Variants in EFNB2 observed in about 807,000 individuals in gnomAD.
The protein encoded by EFNB2 is ephrin-B2.
EFNB2 carries 5 observed loss-of-function variants against 32.1 expected under a neutral mutation model. That is an observed-to-expected ratio of 0.16 (90% CI 0.08 to 0.33). EFNB2 has a LOEUF of 0.33. Among genes scored for constraint, EFNB2 ranks in the 10% least tolerant of loss-of-function variants. The pLI, the probability that EFNB2 is intolerant of heterozygous loss-of-function variation, is 1.00. For synonymous variants in EFNB2, 168 were observed against 166.5 expected (o/e 1.01, Z -0.07); for missense variants, 263 against 422.6 (o/e 0.62, Z 3.31).
chr13:106,516,039 T>C (rs1197323723), intron 1 of EFNB2: 2 of 152,230 alleles, frequency 1.3e-5, no homozygotes, highest in East Asian at 3.8e-4. Flanking sequence ...AGATGCTCAA[T>C]AAATAATGTA....
intron 1 of EFNB2, chr13:106,521,672 T>C (rs1361476078): frequency 1.3e-5 from 2 of 152,230 alleles, no homozygotes; most frequent in African/African-American, 4.8e-5. Context: ...TAATCTTGTT[T>C]TTTATTTGTG....
In EFNB2 at chr13:106,497,205, T is replaced by C. The variant is rs111336380; in HGVS notation, c.407-1365A>G. Among the ~76,000 whole-genome samples, 969 of 152,344 alleles carry C rather than the reference T, an allele frequency of 6.4e-3. 13 individuals are homozygous for C. The highest frequency in any genetic ancestry group is 0.022 in the African/African-American group (935 of 41,586). ...TGTCTTTGTGGTCTTGAATTAACTTTACTTTCACTGTTTTCCTCAAAACAA... is the reference window on the plus strand; with the variant it reads ...TGTCTTTGTGGTCTTGAATTAACTTCACTTTCACTGTTTTCCTCAAAACAA... On this transcript the variant is annotated intron_variant, in intron 2 of 4. Coordinates refer to ENST00000646441, the MANE Select transcript of EFNB2 (RefSeq NM_004093.4).
At chr13:106,504,500 C>T (rs1878886791) in intron 2 of EFNB2, among the ~76,000 whole-genome samples, 1 of 152,168 alleles carries the variant, frequency 6.6e-6, no homozygotes, top group African/African-American at 2.4e-5. Context: ...TAAGGTGCCC[C>T]TATCTAAATT....
chr13:106,517,003 G>A (rs1040354874), intron 1 of EFNB2: 7 of 152,142 alleles, frequency 4.6e-5, no homozygotes, highest in Non-Finnish European at 8.8e-5. Flanking sequence ...AGTAAACAGA[G>A]TTCCTATTTT....
intron 1 of EFNB2, among the ~76,000 whole-genome samples, chr13:106,528,483 C>A (rs189054116): frequency 0.015 from 2,046 of 140,390 alleles, 40 homozygotes; most frequent in African/African-American, 0.05. Context: ...AAAAAAAAAA[C>A]AACAACAACA....
chr13:106,503,740 G>A (rs1027736501), intron 2 of EFNB2, among the ~76,000 whole-genome samples: 27 of 151,262 alleles, frequency 1.8e-4, no homozygotes, highest in African/African-American at 6.6e-4. Context: ...TTGTATATAA[G>A]CCCCCAATAA....
chr13:106,497,621 A>G (rs1878635261), intron 2 of EFNB2, among the ~76,000 whole-genome samples: 1 of 152,128 alleles, frequency 6.6e-6, no homozygotes, highest in African/African-American at 2.4e-5. Flanking sequence ...TACGTGTGCC[A>G]TGTTGGTGGG....
At chr13:106,505,799 T>C (rs188581858) in intron 2 of EFNB2, among the ~76,000 whole-genome samples, 39 of 152,340 alleles carry the variant, frequency 2.6e-4, no homozygotes, top group Admixed American at 2.5e-3. Context: ...GTGCTAAAGA[T>C]ACCAAGATAC....
In EFNB2 at chr13:106,512,800, T is replaced by C; in HGVS notation, c.135A>G (p.Gly45=). 2 of 1,571,796 alleles carry C rather than the reference T, an allele frequency of 1.3e-6. No individual in the cohort carries two copies. The highest frequency in any genetic ancestry group is 1.7e-6 in the Non-Finnish European group (2 of 1,156,934). The change falls in exon 2 of 5, where the codon GGA becomes GGG. Residue 45 remains glycine, a synonymous_variant. Coordinates refer to ENST00000646441, the MANE Select transcript of EFNB2 (RefSeq NM_004093.4). The part of the protein sequence containing the change: ...WNSSNSKFLP[G]QGLVLYPQIG... ...TCTGTGGGTATAGTACCAGTCCTTGTCCAGGTAGAAATCTAAAAGCATAAG... is the reference window on the plus strand; with the variant it reads ...TCTGTGGGTATAGTACCAGTCCTTGCCCAGGTAGAAATCTAAAAGCATAAG...
chr13:106,504,099 A>T (rs1008964804), intron 2 of EFNB2, among the ~76,000 whole-genome samples: 1 of 152,218 alleles, frequency 6.6e-6, no homozygotes, highest in African/African-American at 2.4e-5. Flanking sequence ...GAAGATTCTG[A>T]CAGTCTCAAT....
chr13:106,497,691 GT>G (rs912007034), intron 2 of EFNB2, among the ~76,000 whole-genome samples: 2 of 151,920 alleles, frequency 1.3e-5, no homozygotes, highest in African/African-American at 4.8e-5. Flanking sequence ...CCCTCCCCCA[GT>G]CCCCCACCTC....
chr13:106,523,352 TC>T (rs1368622101), intron 1 of EFNB2, among the ~76,000 whole-genome samples: 1 of 152,192 alleles, frequency 6.6e-6, no homozygotes, highest in African/African-American at 2.4e-5. Context: ...CCCATTTATT[TC>T]CTGCTTAGTC....
chr13:106,521,465 G>A (rs988921943), intron 1 of EFNB2: 2 of 152,186 alleles, frequency 1.3e-5, no homozygotes, highest in Non-Finnish European at 2.9e-5. Flanking sequence ...CAATAACAGA[G>A]CTAGAGGGCC....
intron 1 of EFNB2, among the ~76,000 whole-genome samples, chr13:106,524,593 T>A (rs1879638241): frequency 6.6e-6 from 1 of 152,216 alleles, no homozygotes; most frequent in Admixed American, 6.5e-5. Flanking sequence ...TAAAACAACG[T>A]CCACCAGTTA....
intron 2 of EFNB2, 31 bp from the exon 3 acceptor site, chr13:106,495,871 A>C (rs1273557051): frequency 6.3e-7 from 1 of 1,585,890 alleles, no homozygotes; most frequent in Admixed American, 1.8e-5. Flanking sequence ...CAAAACAAAA[A>C]AATAAAGAAA....
intron 1 of EFNB2, among the ~76,000 whole-genome samples, chr13:106,532,208 T>C (rs946502598): frequency 1.3e-5 from 2 of 152,086 alleles, no homozygotes; most frequent in Admixed American, 1.3e-4. Flanking sequence ...TTACATACAG[T>C]CAGGGACGGG....
chr13:106,496,860 G>A (rs1177672722), intron 2 of EFNB2, among the ~76,000 whole-genome samples: 5 of 152,214 alleles, frequency 3.3e-5, no homozygotes, highest in African/African-American at 1.2e-4. Flanking sequence ...TTCCAGGAGA[G>A]AAAAGAAGGT....
At chr13:106,507,649 T>C (rs1053394304) in intron 2 of EFNB2, among the ~76,000 whole-genome samples, 1 of 152,130 alleles carries the variant, frequency 6.6e-6, no homozygotes, top group African/African-American at 2.4e-5. Flanking sequence ...AATAAAAAGC[T>C]ATAGACAACT....
rs1879401423 is a variant in EFNB2, at chr13:106,518,815, A to C, written c.123-6003T>G. The C allele has an allele frequency of 6.6e-6, 1 of 151,998 alleles. No homozygotes were observed. The highest frequency in any genetic ancestry group is 2.1e-4 in the South Asian group (1 of 4,810). The allele number at this position is 151,998 out of a possible 1,614,324, so 9.4% of individuals were successfully genotyped here. On this transcript the variant is annotated intron_variant, in intron 1 of 4. Coordinates refer to ENST00000646441, the MANE Select transcript of EFNB2 (RefSeq NM_004093.4). This position sits in a 1 kb window ranked among gnomAD's most constrained non-coding sequence, Gnocchi z 4.1. ...TTCTTTCTTCCTCTGACCATACTAC[A>C]CGCACCTTAGCACAAACATCTGATG...
Sources: gnomAD v4.1 joint callset for allele counts (sites outside exome capture counted in the v4.1 genomes callset) on GRCh38, gnomAD v4.1.1 for gene constraint, Gnocchi (gnomAD v3.1) non-coding constraint, MANE v1.5 for transcripts, NCBI Gene and HGNC (gene_info 2026-07-23, HGNC 2026-07-21) for gene names.